TSGA10: variants seen among roughly 807,000 people sequenced by gnomAD.
The protein encoded by TSGA10 is testis specific 10, also known as testis-specific gene 10 protein.
TSGA10 carries 43 observed loss-of-function variants against 96.6 expected under a neutral mutation model. The ratio of observed to expected loss-of-function variants is 0.44; its 90% CI spans 0.35 to 0.57. The LOEUF (loss-of-function observed/expected upper bound fraction) is 0.57, where lower values mean the gene tolerates loss of function less well. Among genes scored for constraint, TSGA10 ranks in the 20% least tolerant of loss-of-function variants. TSGA10 has a pLI of 0.01. For missense variants in TSGA10, 703 were observed against 834.4 expected (o/e 0.84, Z 1.94); for synonymous variants, 229 against 269.9 (o/e 0.85, Z 1.48).
chr2:99,068,998 C>A lies in TSGA10; in HGVS notation c.1108G>T (p.Ala370Ser). ...QFAKAKQENQALSKKLNDTHN... is the reference protein window; with the variant it reads ...QFAKAKQENQSLSKKLNDTHN... ...GTGTCATTCAATTTTTTGGACAGTG[C>A]CTACGAAAAAAAGATAGGTATATTT... Residue 370 changes from alanine to serine, a missense_variant and splice_region_variant, in exon 15 of 21, where the codon GCA (alanine) becomes TCA (serine). This residue lies in a region of TSGA10 where 585 missense variants were observed against 656.8 expected (regional missense o/e 0.89). Transcript: ENST00000393483. 2.1e-6 allele frequency: 3 copies of A among 1,426,168 alleles called. No homozygotes were observed. The highest frequency in any genetic ancestry group is 1.8e-6 in the Non-Finnish European group (2 of 1,085,614). The allele number at this position is 1,426,168 out of a possible 1,614,324, so 88.3% of individuals were successfully genotyped here.
chr2:99,065,049 G>A lies in TSGA10; in HGVS notation c.1294C>T (p.Arg432Cys), dbSNP rs761876849. ...GTATTGTTATCTGCCTCTGATTGACGGGCTTTATTTTCCCAGTTTTCAGCA... is the reference window on the plus strand; with the variant it reads ...GTATTGTTATCTGCCTCTGATTGACAGGCTTTATTTTCCCAGTTTTCAGCA... ...EDAENWENKA[R>C]QSEADNNTLK... The change falls in exon 16 of 21, where the codon CGT (arginine) becomes TGT (cysteine). Residue 432 changes from arginine to cysteine, a missense_variant. By Grantham distance (180) the Arg-to-Cys change is radical. This residue lies in a region of TSGA10 where 585 missense variants were observed against 656.8 expected (regional missense o/e 0.89). Transcript: ENST00000393483. 16 of 1,613,808 alleles carry A rather than the reference G, an allele frequency of 9.9e-6. No homozygotes were observed. Among genetic ancestry groups the A allele is most frequent in the Non-Finnish European group, 1.2e-5 (14 of 1,179,876 alleles).
chr2:99,111,871 T>C (rs1489595036), intron 4 of TSGA10, among the ~76,000 whole-genome samples: 3 of 152,138 alleles, frequency 2.0e-5, no homozygotes, highest in Non-Finnish European at 4.4e-5. Context: ...AAAAATTCAC[T>C]CTGCAAAACA....
chr2:99,028,026 G>A (rs1010146609), intron 17 of TSGA10, among the ~76,000 whole-genome samples: 1 of 152,078 alleles, frequency 6.6e-6, no homozygotes, highest in Admixed American at 6.5e-5. Context: ...GCTCCTCAGG[G>A]TATGCACATA....
chr2:99,111,279 GAA>G (rs869126270), intron 4 of TSGA10, among the ~76,000 whole-genome samples: 3 of 152,072 alleles, frequency 2.0e-5, no homozygotes, highest in East Asian at 3.9e-4. Context: ...ACCCCATTCA[GAA>G]AAGATTGCTT....
chr2:99,089,454 G>A (rs1201196043), intron 10 of TSGA10, among the ~76,000 whole-genome samples: 1 of 152,168 alleles, frequency 6.6e-6, no homozygotes, highest in African/African-American at 2.4e-5. Context: ...AGGAGGGGTG[G>A]CACAAAACCT....
chr2:99,038,451 G>A (rs1045737112), intron 16 of TSGA10, among the ~76,000 whole-genome samples: 2 of 151,966 alleles, frequency 1.3e-5, no homozygotes, highest in African/African-American at 2.4e-5. Context: ...TAAGTAAAGG[G>A]GTGGAAAAAC....
At chr2:99,019,312 C>G (rs1353005843) in intron 18 of TSGA10, among the ~76,000 whole-genome samples, 1 of 152,176 alleles carries the variant, frequency 6.6e-6, no homozygotes, top group Non-Finnish European at 1.5e-5. Flanking sequence ...TTAGTATTTA[C>G]CAGCCAGTCT....
At chr2:99,004,224 T>C (rs1012169458) in intron 20 of TSGA10, among the ~76,000 whole-genome samples, 3 of 151,994 alleles carry the variant, frequency 2.0e-5, no homozygotes, top group Non-Finnish European at 4.4e-5. Flanking sequence ...CCTGGACACA[T>C]ACACCCTCCC....
At chr2:99,047,787 G>A (rs910900591) in intron 16 of TSGA10, among the ~76,000 whole-genome samples, 3 of 152,186 alleles carry the variant, frequency 2.0e-5, no homozygotes, top group African/African-American at 7.2e-5. Context: ...AATTGTCCCT[G>A]TTTGAAGATG....
At chr2:99,100,160 T>G (rs1049194319) in intron 10 of TSGA10, among the ~76,000 whole-genome samples, 3 of 152,186 alleles carry the variant, frequency 2.0e-5, no homozygotes, top group Non-Finnish European at 4.4e-5. Context: ...TTTTCTTTTT[T>G]GGGGTGGACT....
At chr2:99,072,599 T>C (rs2086110329) in intron 13 of TSGA10, among the ~76,000 whole-genome samples, 1 of 152,060 alleles carries the variant, frequency 6.6e-6, no homozygotes. Flanking sequence ...TTAGGTATCT[T>C]TCTAACACAA....
At chr2:99,057,027 T>G (rs2084082831) in intron 16 of TSGA10, among the ~76,000 whole-genome samples, 1 of 152,052 alleles carries the variant, frequency 6.6e-6, no homozygotes. Context: ...CAACACCCTT[T>G]TTGATAAATA....
intron 16 of TSGA10, among the ~76,000 whole-genome samples, chr2:99,039,101 T>C (rs2081947281): frequency 6.6e-6 from 1 of 151,938 alleles, no homozygotes; most frequent in Non-Finnish European, 1.5e-5. Context: ...ACAATAATAG[T>C]GCCACAACTT....
chr2:99,085,634 A>AAAAAAAAAAAAAAAAAT (rs2088213947), intron 10 of TSGA10, among the ~76,000 whole-genome samples: 1 of 147,706 alleles, frequency 6.8e-6, no homozygotes, highest in Non-Finnish European at 1.5e-5. Context: ...AAAAAAAAAA[A>AAAAAAAAAAAAAAAAAT]GTTGTTTTTT....
At chr2:99,043,131 A>C (rs1292147969) in intron 16 of TSGA10, among the ~76,000 whole-genome samples, 1 of 152,166 alleles carries the variant, frequency 6.6e-6, no homozygotes, top group East Asian at 1.9e-4. Flanking sequence ...AATGAAGTAA[A>C]GGAAGATATG....
At chr2:99,042,436 G>T (rs1464106318) in intron 16 of TSGA10, among the ~76,000 whole-genome samples, 3 of 152,122 alleles carry the variant, frequency 2.0e-5, no homozygotes, top group Non-Finnish European at 4.4e-5. Flanking sequence ...CACGGAGAAG[G>T]CTGGTCAGCT....
Position 99,105,695 on chromosome 2 carries a change from T to G in TSGA10, c.213A>C (p.Ala71=). 3 of 1,586,818 alleles carry G rather than the reference T, an allele frequency of 1.9e-6. No homozygotes were observed. Among genetic ancestry groups the G allele is most frequent in the Non-Finnish European group, 2.6e-6 (3 of 1,158,900 alleles). Residue 71 remains alanine, a splice_region_variant and synonymous_variant, in exon 8 of 21, where the codon GCA becomes GCC. Coordinates refer to ENST00000393483, the MANE Select transcript of TSGA10 (RefSeq NM_025244.4). ...RDKIFLLYEQ[A]QEEITRLRRE... is the part of the protein sequence containing the mutation. ...GTCGAAGTCGGGTAATTTCTTCCTGTGCCTATTATTTAAATCATAGACTTT... is the reference window on the plus strand; with the variant it reads ...GTCGAAGTCGGGTAATTTCTTCCTGGGCCTATTATTTAAATCATAGACTTT...
In TSGA10 at chr2:99,124,319, T is replaced by TG. The variant is rs201438269; in HGVS notation, c.-492+2728dup. The stretch of plus-strand genomic sequence containing the variant: ...TGCCCATTTTTGAATTAGATTTTTC[T>TG]GGGGGGAAAGGGGCTAATTGTAGGA... On this transcript the variant is annotated intron_variant, in intron 2 of 20. Transcript: ENST00000393483. 6.6e-3 allele frequency among the ~76,000 whole-genome samples: 1,002 copies of TG among 152,306 alleles called. 13 individuals are homozygous for TG. The highest frequency in any genetic ancestry group is 0.023 in the African/African-American group (971 of 41,564).
chr2:99,024,485 T>C (rs1228413965), intron 17 of TSGA10, among the ~76,000 whole-genome samples: 1 of 152,144 alleles, frequency 6.6e-6, no homozygotes, highest in African/African-American at 2.4e-5. Flanking sequence ...AAATAAGAAA[T>C]ATGATAACTG....
Sources: allele counts gnomAD v4.1 joint callset (sites outside exome capture counted in the v4.1 genomes callset), GRCh38; gene constraint gnomAD v4.1.1; regional missense constraint gnomAD v4.1.1; transcripts MANE v1.5; gene names NCBI Gene and HGNC (gene_info 2026-07-23, HGNC 2026-07-21).